Variants in MAP3K20 observed in about 807,000 individuals in gnomAD.
The protein encoded by MAP3K20 is HCCS-4.
A neutral mutation model predicts 85.7 loss-of-function variants in MAP3K20; 40 were observed. The observed-to-expected ratio is 0.47, with a 90% CI of 0.36 to 0.61. MAP3K20 has a LOEUF of 0.61. MAP3K20 is among the 20% of genes least tolerant of loss of function. The probability of loss-of-function intolerance (pLI) is 0.00; values close to 1 mark genes in which losing one functional copy is unlikely to be tolerated. For missense variants in MAP3K20, 817 were observed against 961.7 expected (o/e 0.85, Z 1.99); for synonymous variants, 325 against 327.7 (o/e 0.99, Z 0.09).
chr2:173,149,278 A>G (rs149619981), intron 2 of MAP3K20, among the ~76,000 whole-genome samples: 93 of 152,342 alleles, frequency 6.1e-4, no homozygotes, highest in Non-Finnish European at 9.4e-4. Flanking sequence ...ATGAGACCAG[A>G]GTAGACTAAA....
chr2:173,168,535 A>T (rs571625480), intron 2 of MAP3K20, among the ~76,000 whole-genome samples: 2 of 152,300 alleles, frequency 1.3e-5, no homozygotes, highest in South Asian at 4.1e-4. Context: ...TGATTAGCAA[A>T]TAACACTAAT....
intron 2 of MAP3K20, among the ~76,000 whole-genome samples, chr2:173,131,759 T>TG (rs1688624393): frequency 6.6e-6 from 1 of 152,190 alleles, no homozygotes; most frequent in Non-Finnish European, 1.5e-5. Context: ...CACTCAGTGT[T>TG]GTGAACCTCA....
chr2:173,088,096 T>C (rs1687191026), intron 1 of MAP3K20, among the ~76,000 whole-genome samples: 1 of 152,110 alleles, frequency 6.6e-6, no homozygotes, highest in Non-Finnish European at 1.5e-5. Context: ...CTTGTTTTAA[T>C]TTTATTGAGA....
intron 2 of MAP3K20, among the ~76,000 whole-genome samples, chr2:173,155,033 T>C (rs1689423906): frequency 6.6e-6 from 1 of 152,122 alleles, no homozygotes; most frequent in East Asian, 1.9e-4. Context: ...ATGAAAAACA[T>C]TTTCTTAGGC....
chr2:173,256,320 G>A (rs2106351880), intron 16 of MAP3K20, among the ~76,000 whole-genome samples: 1 of 152,260 alleles, frequency 6.6e-6, no homozygotes, highest in Middle Eastern at 3.4e-3. Flanking sequence ...TAATCCTCAG[G>A]ATTCTTCATT....
At chr2:173,089,668 C>T (rs950199297) in intron 1 of MAP3K20, among the ~76,000 whole-genome samples, 1 of 151,936 alleles carries the variant, frequency 6.6e-6, no homozygotes, top group Non-Finnish European at 1.5e-5. Flanking sequence ...CTGCAACCTC[C>T]ACCTCCTGGG....
chr2:173,196,939 G>A (rs1417892109), intron 7 of MAP3K20, among the ~76,000 whole-genome samples: 2 of 138,148 alleles, frequency 1.4e-5, no homozygotes, highest in Non-Finnish European at 3.1e-5. Context: ...CTGGATAACT[G>A]ACTGTCTTTG....
At chr2:173,083,418 A>G (rs1315649149) in intron 1 of MAP3K20, among the ~76,000 whole-genome samples, 1 of 151,902 alleles carries the variant, frequency 6.6e-6, no homozygotes, top group Non-Finnish European at 1.5e-5. Flanking sequence ...CAGTGGCGTA[A>G]TCATAGCTCA....
At chr2:173,181,646 A>C (rs1038934465) in intron 3 of MAP3K20, among the ~76,000 whole-genome samples, 4 of 152,222 alleles carry the variant, frequency 2.6e-5, no homozygotes, top group Non-Finnish European at 4.4e-5. Flanking sequence ...ATATCTATCA[A>C]CTGGGGACTG....
chr2:173,104,316 G>C (rs78726517), intron 2 of MAP3K20, among the ~76,000 whole-genome samples: 3,072 of 152,240 alleles, frequency 0.02, 55 homozygotes, highest in Admixed American at 0.041. Flanking sequence ...CATAACCCCA[G>C]TCTAGTCATG....
In MAP3K20 at chr2:173,209,745, A is replaced by C; in HGVS notation, c.761A>C (p.Lys254Thr). 6.2e-7 allele frequency: 1 copy of C among 1,607,956 alleles called. No individual in the cohort carries two copies. The highest frequency in any genetic ancestry group is 8.5e-7 in the Non-Finnish European group (1 of 1,177,928). The change falls in exon 10 of 20, where the codon AAG (lysine) becomes ACG (threonine). Residue 254 changes from lysine (K) to threonine (T), a missense_variant. Around this residue, in one of 4 missense-constraint regions of MAP3K20, gnomAD observed 158 missense variants for 162.0 expected, o/e 0.98. Transcript: ENST00000375213. ...EADAKKRPSFKQIISILESMS... is the reference protein window; with the variant it reads ...EADAKKRPSFTQIISILESMS... ...CTTCTTCAGAAACGGCCATCATTCA[A>C]GCAAATCATTTCAATCCTGGAGTCC...
At chr2:173,255,813 C>G (rs1451099940) in intron 16 of MAP3K20, among the ~76,000 whole-genome samples, 1 of 152,188 alleles carries the variant, frequency 6.6e-6, no homozygotes, top group Non-Finnish European at 1.5e-5. Context: ...AAACTCATCT[C>G]TTCTAAGGCT....
intron 4 of MAP3K20, among the ~76,000 whole-genome samples, 181 bp from the exon 5 acceptor site, chr2:173,187,377 A>G (rs979092560): frequency 6.6e-6 from 1 of 152,200 alleles, no homozygotes; most frequent in Non-Finnish European, 1.5e-5. Context: ...AAGCTTATAA[A>G]TTTGACTTCA....
chr2:173,254,775 G>A (rs1685121827), intron 16 of MAP3K20, among the ~76,000 whole-genome samples: 1 of 152,134 alleles, frequency 6.6e-6, no homozygotes, highest in Non-Finnish European at 1.5e-5. Context: ...GGATACCTTA[G>A]GCTAATTTGA....
intron 11 of MAP3K20, chr2:173,221,578 A>C (rs1684252769): frequency 6.9e-7 from 1 of 1,454,094 alleles, no homozygotes; most frequent in Non-Finnish European, 9.1e-7. Context: ...AAAACACAAA[A>C]GTAACTTGTT....
intron 7 of MAP3K20, among the ~76,000 whole-genome samples, chr2:173,196,880 G>C (rs1690860744): frequency 6.6e-6 from 1 of 152,062 alleles, no homozygotes; most frequent in Admixed American, 6.5e-5. Context: ...AAGGAGTCAA[G>C]AGCCTGACCT....
intron 14 of MAP3K20, among the ~76,000 whole-genome samples, chr2:173,235,463 C>A (rs1487260062): frequency 6.6e-6 from 1 of 152,148 alleles, no homozygotes; most frequent in Non-Finnish European, 1.5e-5. Flanking sequence ...GAGCCTTGAA[C>A]ATGATGCTAA....
At chr2:173,227,973 C>T (rs1187193090) in intron 11 of MAP3K20, among the ~76,000 whole-genome samples, 5 of 152,170 alleles carry the variant, frequency 3.3e-5, no homozygotes, top group African/African-American at 1.2e-4. Flanking sequence ...TTCTTTGATC[C>T]AGTTCAGCTT....
At chr2:173,185,981 A>G (rs1009855384) in intron 4 of MAP3K20, among the ~76,000 whole-genome samples, 1 of 152,222 alleles carries the variant, frequency 6.6e-6, no homozygotes, top group Non-Finnish European at 1.5e-5. Flanking sequence ...CAATAAATAT[A>G]AGGCAGAATT....
Sources: gnomAD v4.1 joint callset for allele counts (sites outside exome capture counted in the v4.1 genomes callset) on GRCh38, gnomAD v4.1.1 for gene constraint, gnomAD v4.1.1 regional missense constraint, MANE v1.5 for transcripts, NCBI Gene and HGNC (gene_info 2026-07-23, HGNC 2026-07-21) for gene names.